RNLS: variants seen among roughly 807,000 people sequenced by gnomAD.
RNLS encodes the protein renalase, FAD dependent amine oxidase.
A neutral mutation model predicts 39.8 loss-of-function variants in RNLS; 39 were observed. That is an observed-to-expected ratio of 0.98 (90% confidence interval 0.76 to 1.28). RNLS has a LOEUF of 1.28. Among genes scored for constraint, RNLS ranks in the 50% most tolerant of loss-of-function variants. RNLS has a pLI of 0.00. For synonymous variants in RNLS, 147 were observed against 150.7 expected, an observed-to-expected ratio of 0.98 and a Z score of 0.18; for missense variants, 410 against 413.3, an observed-to-expected ratio of 0.99 and a Z score of 0.07.
At chr10:88,481,301 A>G (rs1387152395) in intron 4 of RNLS, among the ~76,000 whole-genome samples, 2 of 152,132 alleles carry the variant, frequency 1.3e-5, no homozygotes, top group Non-Finnish European at 2.9e-5. Context: ...TGTTTAGGCC[A>G]TTCACATTTA....
At chr10:88,529,208 G>C (rs978201869) in intron 4 of RNLS, among the ~76,000 whole-genome samples, 1 of 152,130 alleles carries the variant, frequency 6.6e-6, no homozygotes, top group Admixed American at 6.5e-5. Context: ...CTTGAAGGAG[G>C]AACAGGGTAT....
chr10:88,263,143 T>G, the RNLS span, among the ~76,000 whole-genome samples: 12 of 151,912 alleles, frequency 7.9e-5, no homozygotes, highest in Non-Finnish European at 1.6e-4. Context: ...ATAATGATAA[T>G]AATAAAGATG....
rs568743216 is a variant in RNLS, at chr10:88,458,290, T to G, written c.527-95565A>C. 4.7e-4 allele frequency among the ~76,000 whole-genome samples: 71 copies of G among 152,334 alleles called. 1 individual carries two copies. Among genetic ancestry groups the G allele is most frequent in the African/African-American group, 1.6e-3 (66 of 41,586 alleles). On this transcript the variant is annotated intron_variant, in intron 4 of 6. Transcript: ENST00000331772. ...GCAGAAGCATAGCAAAACCTACCAG[T>G]GCCAAGATTCCACTCTGTTGGACAG...
intron 5 of RNLS, among the ~76,000 whole-genome samples, chr10:88,355,611 A>G (rs1849100905): frequency 6.6e-6 from 1 of 152,140 alleles, no homozygotes; most frequent in Non-Finnish European, 1.5e-5. Flanking sequence ...GTGACGTGTC[A>G]GTCTGCCCCT....
At chr10:88,488,804 A>G (rs1844720894) in intron 4 of RNLS, among the ~76,000 whole-genome samples, 1 of 152,218 alleles carries the variant, frequency 6.6e-6, no homozygotes, top group South Asian at 2.1e-4. Flanking sequence ...ATTTGGCTTC[A>G]ATTAAAATGT....
chr10:88,174,873 GA>G, the RNLS span, among the ~76,000 whole-genome samples: 1 of 152,188 alleles, frequency 6.6e-6, no homozygotes, highest in Admixed American at 6.5e-5. Flanking sequence ...ATTCAAAAGT[GA>G]GGCCATTCTG....
At chr10:88,244,843 C>T in the RNLS span, among the ~76,000 whole-genome samples, 1 of 152,106 alleles carries the variant, frequency 6.6e-6, no homozygotes, top group Non-Finnish European at 1.5e-5. Flanking sequence ...AGACCACTTA[C>T]TTTGAGTAAA....
chr10:88,552,701 A>G (rs1303743020), intron 4 of RNLS, among the ~76,000 whole-genome samples: 1 of 152,200 alleles, frequency 6.6e-6, no homozygotes, highest in African/African-American at 2.4e-5. Flanking sequence ...GTGAAGGACT[A>G]TGATGAGGAT....
chr10:88,278,997 T>C (rs1226081675), intron 6 of RNLS, among the ~76,000 whole-genome samples: 1 of 152,232 alleles, frequency 6.6e-6, no homozygotes, highest in African/African-American at 2.4e-5. Flanking sequence ...TTTGTGGCTA[T>C]TGCAATTTTG....
chr10:88,456,304 T>C (rs1354391629), intron 4 of RNLS, among the ~76,000 whole-genome samples: 3 of 151,338 alleles, frequency 2.0e-5, no homozygotes, highest in Non-Finnish European at 4.4e-5. Flanking sequence ...ACAACTTTCC[T>C]TAATTTTATA....
intron 5 of RNLS, among the ~76,000 whole-genome samples, chr10:88,323,042 C>A (rs528533386): frequency 1.4e-4 from 21 of 151,972 alleles, no homozygotes; most frequent in African/African-American, 5.1e-4. Flanking sequence ...ACATTTGCCA[C>A]AAAAAATACT....
At chr10:88,364,812 G>A (rs958903251) in intron 4 of RNLS, among the ~76,000 whole-genome samples, 2 of 151,960 alleles carry the variant, frequency 1.3e-5, no homozygotes. Context: ...TTAAAGTTAT[G>A]GCTTGATATT....
At chr10:88,454,666 T>C (rs1445056005) in intron 4 of RNLS, among the ~76,000 whole-genome samples, 1 of 152,184 alleles carries the variant, frequency 6.6e-6, no homozygotes, top group African/African-American at 2.4e-5. Context: ...GGTGCTTAAG[T>C]CACTCAGGGG....
At chr10:88,376,066 G>A (rs1850968384) in intron 4 of RNLS, among the ~76,000 whole-genome samples, 1 of 152,076 alleles carries the variant, frequency 6.6e-6, no homozygotes, top group Admixed American at 6.6e-5. Context: ...TAATCTGTGG[G>A]GTCATGGTGT....
chr10:88,244,002 G>T, the RNLS span, among the ~76,000 whole-genome samples: 1 of 152,158 alleles, frequency 6.6e-6, no homozygotes, highest in African/African-American at 2.4e-5. Flanking sequence ...GACTGATAAC[G>T]CCTTTGCTAA....
At chr10:88,439,177 G>A (rs926633017) in intron 4 of RNLS, among the ~76,000 whole-genome samples, 22 of 152,208 alleles carry the variant, frequency 1.4e-4, no homozygotes, top group African/African-American at 5.3e-4. Context: ...ACTCTTTTCA[G>A]TCATAAAAGA....
chr10:88,183,565 T>C, the RNLS span, among the ~76,000 whole-genome samples: 1 of 152,166 alleles, frequency 6.6e-6, no homozygotes, highest in African/African-American at 2.4e-5. Flanking sequence ...ATTTCTCATG[T>C]TTTACAGAAA....
chr10:88,330,457 A>G (rs1041376455), intron 5 of RNLS, among the ~76,000 whole-genome samples: 1 of 152,130 alleles, frequency 6.6e-6, no homozygotes, highest in Non-Finnish European at 1.5e-5. Flanking sequence ...GAGATAGAAT[A>G]TCTCTCTTAA....
At chr10:88,201,323 A>G in the RNLS span, among the ~76,000 whole-genome samples, 2 of 152,186 alleles carry the variant, frequency 1.3e-5, no homozygotes. Flanking sequence ...ATTTGAACCC[A>G]TGTTGGCTTG....
Sources: allele counts gnomAD v4.1 joint callset (sites outside exome capture counted in the v4.1 genomes callset), GRCh38; gene constraint gnomAD v4.1.1; transcripts MANE v1.5; gene names NCBI Gene and HGNC (gene_info 2026-07-23, HGNC 2026-07-21).